NRXN1: variants seen among roughly 807,000 people sequenced by gnomAD.
NRXN1 encodes the protein neurexin 1.
A neutral mutation model predicts 150.9 loss-of-function variants in NRXN1; 39 were observed. That is an observed-to-expected ratio of 0.26 (90% CI 0.20 to 0.34). The LOEUF (loss-of-function observed/expected upper bound fraction) is 0.34, where lower values mean the gene tolerates loss of function less well. Among genes scored for constraint, NRXN1 ranks in the 10% least tolerant of loss-of-function variants. The probability of loss-of-function intolerance (pLI) is 1.00; values close to 1 mark genes in which losing one functional copy is unlikely to be tolerated. For missense variants in NRXN1, 1,815 were observed against 1,949.9 expected (o/e 0.93, Z 1.30); for synonymous variants, 924 against 757.0 (o/e 1.22, Z -3.62).
intron 12 of NRXN1, among the ~76,000 whole-genome samples, chr2:50,523,292 T>C (rs1266897652): frequency 6.6e-6 from 1 of 152,204 alleles, no homozygotes; most frequent in Non-Finnish European, 1.5e-5. Context: ...CCTTATTCCT[T>C]GAGCAGCTTC....
chr2:49,956,971 G>A (rs772256777), intron 21 of NRXN1, among the ~76,000 whole-genome samples: 34 of 152,082 alleles, frequency 2.2e-4, no homozygotes, highest in Admixed American at 3.3e-4. Context: ...GGTTCTCAAA[G>A]GTAATTCCTA....
intron 12 of NRXN1, among the ~76,000 whole-genome samples, chr2:50,522,718 T>TC (rs1472465168): frequency 0.097 from 10,079 of 104,048 alleles, 2,970 homozygotes; most frequent in African/African-American, 0.17. Context: ...TTATTTTTAT[T>TC]CATTTTTTTT....
At position 50,329,649 on chromosome 2, in the gene NRXN1, ATATATATATATATATATATATATATTTT is replaced by A. The variant is rs1349963832; in HGVS notation, c.3365-92707_3365-92680del. Among the ~76,000 whole-genome samples the A allele has an allele frequency of 1.5e-3, 33 of 22,012 alleles. 2 individuals carry two copies. Among genetic ancestry groups the A allele is most frequent in the African/African-American group, 0.012 (23 of 1,934 alleles). The allele number at this position is 22,012 out of a possible 152,430, so 14.4% of individuals were successfully genotyped here. On this transcript the variant is annotated intron_variant, in intron 17 of 22. Coordinates refer to ENST00000401669, the MANE Select transcript of NRXN1 (RefSeq NM_001330078.2). The stretch of plus-strand genomic sequence containing the variant: ...TATATATATATATATATATATATAT[ATATATATATATATATATATATATATTTT>A]TTTTTTTCCCCCCCGAGACGGAGTC...
At chr2:50,908,489 A>G (rs893053798) in intron 5 of NRXN1, among the ~76,000 whole-genome samples, 2 of 152,044 alleles carry the variant, frequency 1.3e-5, no homozygotes, top group Admixed American at 6.6e-5. Flanking sequence ...ACCCAGGGAT[A>G]GTATAATTAA....
Position 50,242,989 on chromosome 2 carries a change from C to T in NRXN1, c.3365-6019G>A, listed in dbSNP as rs1015729186. 2.0e-5 allele frequency among the ~76,000 whole-genome samples: 3 copies of T among 151,538 alleles called. No homozygotes were observed. The Admixed American group carries it at 2.0e-4, about 10-fold the overall frequency. On this transcript the variant is annotated intron_variant, in intron 17 of 22. Transcript: ENST00000401669. ...ATGTCCAGAAGAATTTAGATAATTC[C>T]CAAATAATGAAAGCTTTATGGAAAT...
At chr2:50,412,789 C>T (rs925839080) in intron 17 of NRXN1, among the ~76,000 whole-genome samples, 3 of 152,034 alleles carry the variant, frequency 2.0e-5, no homozygotes, top group African/African-American at 7.2e-5. Flanking sequence ...TACAATGATA[C>T]AATGATCTTA....
At chr2:50,505,527 G>C (rs552102892) in intron 13 of NRXN1, among the ~76,000 whole-genome samples, 1 of 152,144 alleles carries the variant, frequency 6.6e-6, no homozygotes, top group Non-Finnish European at 1.5e-5. Flanking sequence ...TGTCCAAACT[G>C]TGGATGCTGA....
At chr2:50,103,802 T>G (rs1701292616) in intron 18 of NRXN1, among the ~76,000 whole-genome samples, 1 of 152,018 alleles carries the variant, frequency 6.6e-6, no homozygotes, top group Non-Finnish European at 1.5e-5. Flanking sequence ...TGTGGACGTT[T>G]AGCTCAGTAA....
chr2:50,713,977 T>C (rs1234481100), intron 5 of NRXN1, among the ~76,000 whole-genome samples: 1 of 152,222 alleles, frequency 6.6e-6, no homozygotes, highest in East Asian at 1.9e-4. Context: ...AACAACGATA[T>C]AAATATTGAA....
intron 2 of NRXN1, among the ~76,000 whole-genome samples, chr2:50,978,305 T>TATATATAA (rs1436964052): frequency 3.3e-5 from 4 of 121,638 alleles, no homozygotes; most frequent in South Asian, 2.6e-4. Context: ...TATATATATA[T>TATATATAA]AAAATATATA....
chr2:50,653,410 G>A (rs762261464), intron 5 of NRXN1, among the ~76,000 whole-genome samples: 2 of 151,964 alleles, frequency 1.3e-5, no homozygotes, highest in Non-Finnish European at 2.9e-5. Flanking sequence ...AATGGCTGGA[G>A]GTTTAGTTGC....
At chr2:49,969,910 A>T (rs1280638871) in intron 21 of NRXN1, 1 of 152,120 alleles carries the variant, frequency 6.6e-6, no homozygotes, top group African/African-American at 2.4e-5. Context: ...AAAAATCTGA[A>T]ATAGGCTTAG....
chr2:50,139,867 G>A (rs985702359), intron 18 of NRXN1, among the ~76,000 whole-genome samples: 1 of 151,904 alleles, frequency 6.6e-6, no homozygotes, highest in Non-Finnish European at 1.5e-5. Flanking sequence ...TTTTAATGAG[G>A]AATAATATAT....
intron 17 of NRXN1, among the ~76,000 whole-genome samples, chr2:50,288,135 T>C (rs1228200808): frequency 6.6e-6 from 1 of 152,196 alleles, no homozygotes; most frequent in African/African-American, 2.4e-5. Context: ...TGTTGTATCA[T>C]ATGAATAACT....
chr2:50,493,922 T>C (rs2091410964), intron 15 of NRXN1, among the ~76,000 whole-genome samples: 1 of 152,234 alleles, frequency 6.6e-6, no homozygotes, highest in Non-Finnish European at 1.5e-5. Flanking sequence ...AAGTTCATAC[T>C]TACAGTGTTT....
At chr2:50,571,026 A>C (rs1299912216) in intron 8 of NRXN1, among the ~76,000 whole-genome samples, 3 of 152,048 alleles carry the variant, frequency 2.0e-5, no homozygotes, top group South Asian at 2.1e-4. Flanking sequence ...GTAAACAAAA[A>C]CTCTTTGAGA....
Position 49,918,640 on chromosome 2 carries a change from C to A in NRXN1, c.*3304G>T, listed in dbSNP as rs574605329. On this transcript the variant is annotated 3_prime_UTR_variant, in exon 23 of 23. Coordinates refer to ENST00000401669, the MANE Select transcript of NRXN1 (RefSeq NM_001330078.2). ...TACTGTATGAGTTTATGGTTTCTGGCATATCAAGATGAACAAATATAACAA... is the reference window on the plus strand; with the variant it reads ...TACTGTATGAGTTTATGGTTTCTGGAATATCAAGATGAACAAATATAACAA... The A allele has an allele frequency of 1.3e-5, 2 of 152,050 alleles. No homozygotes were observed. Among genetic ancestry groups the A allele is most frequent in the Admixed American group, 6.6e-5 (1 of 15,258 alleles). The allele number at this position is 152,050 out of a possible 1,614,324, so 9.4% of individuals were successfully genotyped here.
At chr2:50,738,655 A>G (rs1699057113) in intron 5 of NRXN1, among the ~76,000 whole-genome samples, 1 of 152,196 alleles carries the variant, frequency 6.6e-6, no homozygotes, top group Non-Finnish European at 1.5e-5. Flanking sequence ...GCAATCCGAT[A>G]AAACCTTTAA....
chr2:50,738,652 G>A (rs968938715), intron 5 of NRXN1, among the ~76,000 whole-genome samples: 10 of 152,232 alleles, frequency 6.6e-5, no homozygotes, highest in African/African-American at 2.2e-4. Context: ...TTGGCAATCC[G>A]ATAAAACCTT....
Sources: gnomAD v4.1 joint callset for allele counts (sites outside exome capture counted in the v4.1 genomes callset) on GRCh38, gnomAD v4.1.1 for gene constraint, MANE v1.5 for transcripts, NCBI Gene and HGNC (gene_info 2026-07-23, HGNC 2026-07-21) for gene names.